Variants in DCAF1 observed in about 807,000 individuals in gnomAD.
DCAF1 encodes the protein DDB1- and CUL4-associated factor 1.
A neutral mutation model predicts 128.0 loss-of-function variants in DCAF1; 15 were observed. That is an observed-to-expected ratio of 0.12 (90% CI 0.08 to 0.18). DCAF1 has a LOEUF of 0.18. DCAF1 is among the 10% of genes least tolerant of loss of function. The probability of loss-of-function intolerance (pLI) is 1.00; values close to 1 mark genes in which losing one functional copy is unlikely to be tolerated. For synonymous variants in DCAF1, 610 were observed against 603.0 expected (o/e 1.01, Z -0.17); for missense variants, 988 against 1,649.5 (o/e 0.60, Z 6.95).
intron 6 of DCAF1, among the ~76,000 whole-genome samples, chr3:51,446,240 C>A (rs1262058703): frequency 6.6e-6 from 1 of 152,010 alleles, no homozygotes; most frequent in African/African-American, 2.4e-5. Flanking sequence ...GGGGATCTGC[C>A]CACCTCCCAC....
At chr3:51,482,991 T>C (rs1706420330) in intron 3 of DCAF1, among the ~76,000 whole-genome samples, 1 of 140,816 alleles carries the variant, frequency 7.1e-6, no homozygotes, top group Admixed American at 7.3e-5. Flanking sequence ...ATACAAAAAT[T>C]AGCTGGGCGT....
chr3:51,404,863 G>T (rs1249253372), intron 23 of DCAF1, among the ~76,000 whole-genome samples: 1 of 152,108 alleles, frequency 6.6e-6, no homozygotes, highest in East Asian at 1.9e-4. Context: ...GCATTCACCC[G>T]CCTCAAAGGA....
chr3:51,460,913 A>T (rs2108019928), intron 6 of DCAF1, among the ~76,000 whole-genome samples: 1 of 151,654 alleles, frequency 6.6e-6, no homozygotes, highest in East Asian at 1.9e-4. Context: ...AATTAATTCA[A>T]GATGGATTAA....
chr3:51,434,873 C>T (rs1385388869), intron 9 of DCAF1, among the ~76,000 whole-genome samples: 1 of 152,174 alleles, frequency 6.6e-6, no homozygotes, highest in African/African-American at 2.4e-5. Context: ...TGCTTGATGA[C>T]TCTGAACCTA....
chr3:51,475,460 G>C (rs1705318069), intron 3 of DCAF1, among the ~76,000 whole-genome samples: 1 of 152,104 alleles, frequency 6.6e-6, no homozygotes, highest in Non-Finnish European at 1.5e-5. Context: ...TTAAAAACTA[G>C]CCAGGCATGG....
At chr3:51,425,465 C>T (rs1201161301) in intron 13 of DCAF1, among the ~76,000 whole-genome samples, 11 of 151,558 alleles carry the variant, frequency 7.3e-5, no homozygotes, top group African/African-American at 2.7e-4. Context: ...GAGCAAGACT[C>T]TGTCTCCAAA....
At position 51,397,868 on chromosome 3, in the gene DCAF1, T is replaced by G. The variant is rs2089314040; in HGVS notation, c.*901A>C. ...ACAAAGACAGACTTGTAGTTTATTT[T>G]GTATTTTTTTTAAATAAATACACTT... is the stretch of plus-strand genomic sequence containing the variant. On this transcript the variant is annotated 3_prime_UTR_variant, in exon 25 of 25. Transcript: ENST00000684031. 6.0e-6 allele frequency: 1 copy of G among 166,992 alleles called. No individual in the cohort carries two copies. Among genetic ancestry groups the G allele is most frequent in the African/African-American group, 2.4e-5 (1 of 41,470 alleles). 10.3% of individuals were successfully genotyped at this position (166,992 alleles called of 1,614,324 possible).
At chr3:51,487,705 CCT>C (rs1196663818) in intron 2 of DCAF1, among the ~76,000 whole-genome samples, 2 of 151,746 alleles carry the variant, frequency 1.3e-5, no homozygotes, top group African/African-American at 2.4e-5. Flanking sequence ...CTTTCCTCTC[CCT>C]TTTTTTCTTT....
At chr3:51,416,926 C>T in intron 17 of DCAF1, 55 bp from the exon 18 acceptor site, 2 of 1,558,164 alleles carry the variant, frequency 1.3e-6, no homozygotes, top group East Asian at 4.8e-5. Context: ...CATATTCCTG[C>T]AACCAACTGA....
In DCAF1 at chr3:51,443,802, G is replaced by A; in HGVS notation, c.477C>T (p.Asp159=). 3 of 1,612,376 alleles carry A rather than the reference G, an allele frequency of 1.9e-6. No individual in the cohort carries two copies. Among genetic ancestry groups the A allele is most frequent in the Non-Finnish European group, 2.5e-6 (3 of 1,179,522 alleles). The part of the protein sequence containing the change: ...GLLGGAMENQ[D]IAANYRDENS... ...TTTCATCTCTATAGTTGGCAGCAAT[G>A]TCTTGATTTTCCATAGCACCTCCTA... is the stretch of plus-strand genomic sequence containing the variant. The change falls in exon 7 of 25, where the codon GAC becomes GAT. Residue 159 remains aspartate, a synonymous_variant. Transcript: ENST00000684031.
chr3:51,405,391 A>T (rs2090034398), intron 23 of DCAF1, among the ~76,000 whole-genome samples: 1 of 152,240 alleles, frequency 6.6e-6, no homozygotes, highest in African/African-American at 2.4e-5. Flanking sequence ...ACTAGATACC[A>T]TTCCAAACTC....
chr3:51,443,133 C>T (rs1701523858), intron 7 of DCAF1, among the ~76,000 whole-genome samples: 1 of 152,072 alleles, frequency 6.6e-6, no homozygotes, highest in African/African-American at 2.4e-5. Context: ...TATAAGTGTT[C>T]ACAATCAATT....
intron 9 of DCAF1, among the ~76,000 whole-genome samples, chr3:51,438,388 C>T (rs909895689): frequency 3.3e-5 from 5 of 152,008 alleles, no homozygotes; most frequent in South Asian, 2.1e-4. Flanking sequence ...AAAAATAAAA[C>T]GGCATAGGTA....
chr3:51,414,103 G>A, intron 19 of DCAF1, 60 bp from the exon 20 acceptor site: 1 of 1,487,262 alleles, frequency 6.7e-7, no homozygotes, highest in African/African-American at 1.4e-5. Context: ...TCTCATGGGA[G>A]GAAATTCTAA....
intron 12 of DCAF1, among the ~76,000 whole-genome samples, chr3:51,428,807 C>CCCCTGAACCCAGG (rs1700127409): frequency 1.3e-5 from 2 of 151,824 alleles, no homozygotes; most frequent in Admixed American, 1.3e-4. Flanking sequence ...CCAGCCAGGA[C>CCCCTGAACCCAGG]AACATAGTGA....
At position 51,466,836 on chromosome 3, in the gene DCAF1, T is replaced by A. The variant is rs1553646689; in HGVS notation, c.228A>T (p.Arg76Ser). The A allele has an allele frequency of 6.2e-7, 1 of 1,613,782 alleles. No individual in the cohort carries two copies. The highest frequency in any genetic ancestry group is 8.5e-7 in the Non-Finnish European group (1 of 1,179,764). ...TGAAATCATCATTCTTGAAGAGTATTCTCAGCAAGTGGCCCAGCATACACT... is the reference window on the plus strand; with the variant it reads ...TGAAATCATCATTCTTGAAGAGTATACTCAGCAAGTGGCCCAGCATACACT... Reference protein sequence around the residue: ...DPECMLGHLLRILFKNDDFMN... With the variant: ...DPECMLGHLLSILFKNDDFMN... Residue 76 changes from arginine to serine, a missense_variant, in exon 5 of 25, where the codon AGA (arginine) becomes AGT (serine). Transcript: ENST00000684031.
intron 23 of DCAF1, among the ~76,000 whole-genome samples, chr3:51,411,644 ACC>A (rs1553628436): frequency 6.6e-6 from 1 of 152,188 alleles, no homozygotes; most frequent in East Asian, 1.9e-4. Flanking sequence ...TTCAACTCTT[ACC>A]CTAATAATAG....
chr3:51,404,332 AT>A (rs1577047756), intron 23 of DCAF1, among the ~76,000 whole-genome samples: 1 of 152,244 alleles, frequency 6.6e-6, no homozygotes, highest in East Asian at 1.9e-4. Context: ...AAAATGTAAA[AT>A]TCATTTAATA....
At chr3:51,408,109 C>T (rs1698066414) in intron 23 of DCAF1, among the ~76,000 whole-genome samples, 1 of 151,826 alleles carries the variant, frequency 6.6e-6, no homozygotes, top group Non-Finnish European at 1.5e-5. Flanking sequence ...AGACTAGCAG[C>T]CTCAGGAACC....
Sources: gnomAD v4.1 joint callset for allele counts (sites outside exome capture counted in the v4.1 genomes callset) on GRCh38, gnomAD v4.1.1 for gene constraint, MANE v1.5 for transcripts, NCBI Gene and HGNC (gene_info 2026-07-23, HGNC 2026-07-21) for gene names.